KCNQ5: variants seen among roughly 807,000 people sequenced by gnomAD.
KCNQ5 encodes the protein potassium voltage-gated channel subfamily KQT member 5.
KCNQ5 carries 30 observed loss-of-function variants against 98.2 expected under a neutral mutation model. The observed-to-expected ratio is 0.31, with a 90% CI of 0.23 to 0.41. KCNQ5 has a LOEUF of 0.41. KCNQ5 is among the 10% of genes least tolerant of loss of function. The pLI is 1.00. For missense variants in KCNQ5, 835 were observed against 1,182.5 expected (o/e 0.71, Z 4.31); for synonymous variants, 458 against 449.4 (o/e 1.02, Z -0.24).
intron 3 of KCNQ5, among the ~76,000 whole-genome samples, chr6:73,044,680 C>T (rs766355786): frequency 6.6e-5 from 10 of 152,138 alleles, no homozygotes; most frequent in Non-Finnish European, 1.0e-4. Flanking sequence ...TTCATAAAAA[C>T]GCTTGATGTA....
intron 1 of KCNQ5, among the ~76,000 whole-genome samples, chr6:72,846,864 T>C (rs539960775): frequency 1.3e-5 from 2 of 152,326 alleles, no homozygotes; most frequent in South Asian, 2.1e-4. Context: ...AATGAAGGCA[T>C]TATTATAAAT....
At chr6:72,903,049 C>A (rs1396245683) in intron 1 of KCNQ5, among the ~76,000 whole-genome samples, 3 of 152,038 alleles carry the variant, frequency 2.0e-5, no homozygotes, top group African/African-American at 4.8e-5. Context: ...ATTCTTCCTG[C>A]TTTAAGCTAG....
chr6:73,157,986 G>A, intron 10 of KCNQ5: 2 of 752,620 alleles, frequency 2.7e-6, no homozygotes, highest in South Asian at 1.4e-5. Flanking sequence ...CCCCTTGAAC[G>A]GCCGGAAGAT....
chr6:72,733,309 G>A (rs899482535), intron 1 of KCNQ5, among the ~76,000 whole-genome samples: 12 of 152,090 alleles, frequency 7.9e-5, no homozygotes, highest in Admixed American at 2.6e-4. Flanking sequence ...CACTGTAGAA[G>A]TAAAGAAAAA....
chr6:73,167,967 A>G (rs1395393896), intron 10 of KCNQ5, among the ~76,000 whole-genome samples: 1 of 152,192 alleles, frequency 6.6e-6, no homozygotes, highest in Non-Finnish European at 1.5e-5. Context: ...ACATATGAAT[A>G]CAGGAAGACA....
intron 1 of KCNQ5, among the ~76,000 whole-genome samples, chr6:72,831,407 G>T (rs535216008): frequency 6.6e-6 from 1 of 152,110 alleles, no homozygotes; most frequent in South Asian, 2.1e-4. Context: ...CCATAAAAAA[G>T]GATGAGTTCA....
intron 2 of KCNQ5, among the ~76,000 whole-genome samples, chr6:73,021,934 T>C (rs1770624827): frequency 6.6e-6 from 1 of 152,180 alleles, no homozygotes; most frequent in South Asian, 2.1e-4. Flanking sequence ...TTTCTGAGAT[T>C]CACTTACCCT....
chr6:72,698,414 G>T (rs945771549), intron 1 of KCNQ5, among the ~76,000 whole-genome samples: 2 of 152,028 alleles, frequency 1.3e-5, no homozygotes, highest in Non-Finnish European at 2.9e-5. Context: ...TATTGGTCAG[G>T]CTGGTCTCGA....
At chr6:73,138,897 A>G (rs1291527705) in intron 10 of KCNQ5, among the ~76,000 whole-genome samples, 1 of 152,194 alleles carries the variant, frequency 6.6e-6, no homozygotes, top group East Asian at 1.9e-4. Flanking sequence ...CCTCTCAGCC[A>G]GTGTACCAAT....
intron 1 of KCNQ5, among the ~76,000 whole-genome samples, chr6:72,812,051 C>T (rs148131346): frequency 2.7e-4 from 41 of 152,110 alleles, no homozygotes; most frequent in South Asian, 2.1e-4. Flanking sequence ...TATTTGTAAA[C>T]GGTCATGGGG....
At chr6:73,174,938 T>A (rs1778156545) in intron 11 of KCNQ5, among the ~76,000 whole-genome samples, 1 of 152,238 alleles carries the variant, frequency 6.6e-6, no homozygotes, top group Admixed American at 6.5e-5. Context: ...TCCTCTGCTC[T>A]GGGTCAGTCT....
At chr6:72,871,731 AG>A (rs1176260197) in intron 1 of KCNQ5, among the ~76,000 whole-genome samples, 1 of 152,190 alleles carries the variant, frequency 6.6e-6, no homozygotes, top group Non-Finnish European at 1.5e-5. Context: ...AAACTGCCCC[AG>A]GTTCCTTGTA....
chr6:73,049,919 A>G (rs1387930194), intron 3 of KCNQ5, among the ~76,000 whole-genome samples: 1 of 152,120 alleles, frequency 6.6e-6, no homozygotes, highest in Non-Finnish European at 1.5e-5. Context: ...ACAGTGGCTC[A>G]TGCCTGTAAT....
At chr6:72,903,959 A>C (rs565419110) in intron 1 of KCNQ5, among the ~76,000 whole-genome samples, 1 of 152,202 alleles carries the variant, frequency 6.6e-6, no homozygotes, top group South Asian at 2.1e-4. Flanking sequence ...CTGTGTTACT[A>C]TATATCTCAT....
chr6:73,043,786 A>G (rs1436798589), intron 3 of KCNQ5, among the ~76,000 whole-genome samples: 2 of 152,192 alleles, frequency 1.3e-5, no homozygotes, highest in African/African-American at 4.8e-5. Flanking sequence ...TCTGGCCTCC[A>G]TGCGAAAAAG....
intron 2 of KCNQ5, among the ~76,000 whole-genome samples, chr6:73,013,779 G>A (rs749636679): frequency 6.6e-6 from 1 of 152,016 alleles, no homozygotes; most frequent in Non-Finnish European, 1.5e-5. Flanking sequence ...GCATTTGCCA[G>A]TACCCAATGA....
At chr6:73,061,621 T>C (rs1464530579) in intron 3 of KCNQ5, among the ~76,000 whole-genome samples, 1 of 152,150 alleles carries the variant, frequency 6.6e-6, no homozygotes, top group Non-Finnish European at 1.5e-5. Context: ...TGAAGTAACA[T>C]AGAATGGCAT....
chr6:73,155,624 T>C (rs1445144192), intron 10 of KCNQ5, among the ~76,000 whole-genome samples: 2 of 152,208 alleles, frequency 1.3e-5, no homozygotes, highest in Non-Finnish European at 2.9e-5. Context: ...AGTTTCCATC[T>C]ATGCTGAGAA....
In KCNQ5 at chr6:72,986,826, G is replaced by A. The variant is rs559455185; in HGVS notation, c.399-17082G>A. 2.0e-4 allele frequency: 245 copies of A among 1,205,744 alleles called. 1 individual carries two copies. The highest frequency in any genetic ancestry group is 2.6e-5 in the Non-Finnish European group (21 of 810,136). 74.7% of individuals were successfully genotyped at this position (1,205,744 alleles called of 1,614,324 possible). Reference sequence around the variant, plus strand: ...AAATAACACAAGAAGGAAACAAAGGGGGCCCAGGACCCCACAGCCCTCTCA... The same window carrying A: ...AAATAACACAAGAAGGAAACAAAGGAGGCCCAGGACCCCACAGCCCTCTCA... On this transcript the variant is annotated intron_variant, in intron 1 of 13. Coordinates refer to ENST00000370398, the MANE Select transcript of KCNQ5 (RefSeq NM_019842.4).
Sources: gnomAD v4.1 joint callset for allele counts (sites outside exome capture counted in the v4.1 genomes callset) on GRCh38, gnomAD v4.1.1 for gene constraint, MANE v1.5 for transcripts, NCBI Gene and HGNC (gene_info 2026-07-23, HGNC 2026-07-21) for gene names.